The following RFTN1 variants were observed in gnomAD, a reference collection of about 807,000 sequenced individuals.
RFTN1 encodes the protein raftlin, lipid raft linker 1.
Under a neutral mutation model 46.5 loss-of-function variants are expected in RFTN1, and 26 were observed. The observed-to-expected ratio is 0.56, with a 90% CI of 0.41 to 0.78. The LOEUF (loss-of-function observed/expected upper bound fraction) is 0.78. Ranked by LOEUF, RFTN1 falls within the 30% of genes least tolerant of loss-of-function variation. RFTN1 has a pLI of 0.00. For missense variants in RFTN1, 693 were observed against 718.7 expected (o/e 0.96, Z 0.41); for synonymous variants, 261 against 284.2 (o/e 0.92, Z 0.82).
intron 2 of RFTN1, among the ~76,000 whole-genome samples, chr3:16,469,100 A>G (rs1231917225): frequency 6.6e-6 from 1 of 152,268 alleles, no homozygotes; most frequent in Non-Finnish European, 1.5e-5. Context: ...CACAGGTTAC[A>G]TGTGAAAAAT....
rs1044183599 is a variant in RFTN1, at chr3:16,413,602, A to C, written c.333-4119T>G. On this transcript the variant is annotated intron_variant, in intron 3 of 9. Transcript: ENST00000334133. This position sits in a 1 kb window ranked among gnomAD's most constrained non-coding sequence, Gnocchi z 4.7. Reference sequence around the variant, plus strand: ...AGGACAGAGAGATCTGGTTTTAAACAGTAAGAAAAAGAAAACACAGAATGC... The same window carrying C: ...AGGACAGAGAGATCTGGTTTTAAACCGTAAGAAAAAGAAAACACAGAATGC... Among the ~76,000 whole-genome samples the C allele has an allele frequency of 6.6e-6, 1 of 152,224 alleles. No homozygotes were observed. The highest frequency in any genetic ancestry group is 1.5e-5 in the Non-Finnish European group (1 of 68,038).
chr3:16,404,415 C>T (rs71627154), intron 4 of RFTN1, among the ~76,000 whole-genome samples: 3,209 of 22,174 alleles, frequency 0.14, 726 homozygotes, highest in Non-Finnish European at 0.18. Context: ...AATATATATA[C>T]ACAATATACA....
Position 16,498,493 on chromosome 3 carries a change from T to C in RFTN1, c.-8-4616A>G, listed in dbSNP as rs989124327. Among the ~76,000 whole-genome samples the C allele has an allele frequency of 2.6e-5, 4 of 152,200 alleles. No individual in the cohort carries two copies. Among genetic ancestry groups the C allele is most frequent in the African/African-American group, 9.7e-5 (4 of 41,440 alleles). ...TCTGTTAAATTTAATTTGTATCAAG[T>C]TTTTCTTTTAATAAATACCAGCCAG... is the stretch of plus-strand genomic sequence containing the variant. On this transcript the variant is annotated intron_variant, in intron 1 of 9. Transcript: ENST00000334133. This position sits in a 1 kb window ranked among gnomAD's most constrained non-coding sequence, Gnocchi z 5.2.
chr3:16,340,138 C>G (rs1028236406), intron 7 of RFTN1, among the ~76,000 whole-genome samples: 1 of 152,228 alleles, frequency 6.6e-6, no homozygotes, highest in Non-Finnish European at 1.5e-5. Context: ...TTCCCTGTTT[C>G]TGTTCCATTG....
Position 16,473,236 on chromosome 3 carries a change from G to A in RFTN1, c.145+20489C>T, listed in dbSNP as rs147946274. 9.2e-3 allele frequency among the ~76,000 whole-genome samples: 1,400 copies of A among 152,132 alleles called. 15 individuals carry two copies. Among genetic ancestry groups the A allele is most frequent in the Middle Eastern group, 0.024 (7 of 294 alleles). On this transcript the variant is annotated intron_variant, in intron 2 of 9. Transcript: ENST00000334133. The surrounding 1 kb of genome is among the most constrained non-coding windows in gnomAD (Gnocchi z 5.3). ...AGTATACCACCTCCACCCCAATACTGGGCCAGACTCCATGATACCAGGTGA... is the reference window on the plus strand; with the variant it reads ...AGTATACCACCTCCACCCCAATACTAGGCCAGACTCCATGATACCAGGTGA...
chr3:16,402,714 G>C lies in RFTN1; in HGVS notation c.441+6661C>G, dbSNP rs1458298546. On this transcript the variant is annotated intron_variant, in intron 4 of 9. Transcript: ENST00000334133. This position sits in a 1 kb window ranked among gnomAD's most constrained non-coding sequence, Gnocchi z 4.5. ...CTGTTTCATTAAAAGAAGCCATTGA[G>C]ATTTTTCCATCTGTCAAGGTGCTTT... is the stretch of plus-strand genomic sequence containing the variant. 6.6e-6 allele frequency among the ~76,000 whole-genome samples: 1 copy of C among 152,156 alleles called. No homozygotes were observed. Among genetic ancestry groups the C allele is most frequent in the Non-Finnish European group, 1.5e-5 (1 of 68,030 alleles).
intron 3 of RFTN1, among the ~76,000 whole-genome samples, 163 bp from the exon 4 acceptor site, chr3:16,409,646 T>C (rs1282426580): frequency 6.6e-6 from 1 of 151,054 alleles, no homozygotes; most frequent in Non-Finnish European, 1.5e-5. Flanking sequence ...GCCTCCCGAA[T>C]AGCTGGGATT....
chr3:16,378,441 G>C (rs2073866876), intron 4 of RFTN1, among the ~76,000 whole-genome samples: 1 of 152,218 alleles, frequency 6.6e-6, no homozygotes, highest in Non-Finnish European at 1.5e-5. Flanking sequence ...GTTTGAAGGA[G>C]GAAGTTTGTT....
In RFTN1 at chr3:16,356,409, T is replaced by G. The variant is rs1400019488; in HGVS notation, c.1146+1523A>C. On this transcript the variant is annotated intron_variant, in intron 7 of 9. Coordinates refer to ENST00000334133, the MANE Select transcript of RFTN1 (RefSeq NM_015150.2). This position sits in a 1 kb window ranked among gnomAD's most constrained non-coding sequence, Gnocchi z 4.9. Reference sequence around the variant, plus strand: ...ATGCTGTGACTTTCCAACTCCTGCTTCTGACGACTCCAGTTCCTTTGGGTA... The same window carrying G: ...ATGCTGTGACTTTCCAACTCCTGCTGCTGACGACTCCAGTTCCTTTGGGTA... Among the ~76,000 whole-genome samples, 2 of 152,206 alleles carry G rather than the reference T, an allele frequency of 1.3e-5. No homozygotes were observed. The highest frequency in any genetic ancestry group is 3.9e-4 in the East Asian group (2 of 5,188).
chr3:16,495,736 C>T (rs2076613916), intron 1 of RFTN1, among the ~76,000 whole-genome samples: 1 of 152,224 alleles, frequency 6.6e-6, no homozygotes, highest in Non-Finnish European at 1.5e-5. Context: ...GAGATCCCAC[C>T]ACTAGCCCAT....
rs908388218 is a variant in RFTN1, at chr3:16,344,740, C to T, written c.1146+13192G>A. On this transcript the variant is annotated intron_variant, in intron 7 of 9. Transcript: ENST00000334133. The surrounding 1 kb of genome is among the most constrained non-coding windows in gnomAD (Gnocchi z 4.4). ...AATGAAAGCACATCGTTGCCAAGTGCGGCCTCTCAATCAGTTATACACCAC... is the reference window on the plus strand; with the variant it reads ...AATGAAAGCACATCGTTGCCAAGTGTGGCCTCTCAATCAGTTATACACCAC... Among the ~76,000 whole-genome samples the T allele has an allele frequency of 5.3e-5, 8 of 152,164 alleles. No homozygotes were observed. Among genetic ancestry groups the T allele is most frequent in the Admixed American group, 5.2e-4 (8 of 15,280 alleles).
At chr3:16,369,945 A>T in intron 6 of RFTN1, 131 bp downstream of exon 6, 1 of 851,214 alleles carries the variant, frequency 1.2e-6, no homozygotes, top group Non-Finnish European at 1.9e-6. Flanking sequence ...GTTAATTAGA[A>T]ATAAAATGCA....
intron 3 of RFTN1, among the ~76,000 whole-genome samples, chr3:16,430,975 A>C (rs941252449): frequency 6.6e-6 from 1 of 152,224 alleles, no homozygotes; most frequent in African/African-American, 2.4e-5. Flanking sequence ...ATAATGCACT[A>C]TTCCCCAAAG....
chr3:16,355,725 C>T (rs1237991839), intron 7 of RFTN1, among the ~76,000 whole-genome samples: 4 of 152,214 alleles, frequency 2.6e-5, no homozygotes, highest in African/African-American at 9.6e-5. Flanking sequence ...GCCCCACCCC[C>T]GGAGGGTTCA....
chr3:16,482,830 C>T (rs562424496), intron 2 of RFTN1: 29 of 1,535,842 alleles, frequency 1.9e-5, no homozygotes, highest in Admixed American at 1.2e-4. Flanking sequence ...AGGGGCAGAA[C>T]AGCCTTTCTG....
In RFTN1 at chr3:16,428,879, A is replaced by G. The variant is rs1276942591; in HGVS notation, c.332+4972T>C. 6.6e-6 allele frequency among the ~76,000 whole-genome samples: 1 copy of G among 152,196 alleles called. No individual in the cohort carries two copies. Among genetic ancestry groups the G allele is most frequent in the East Asian group, 1.9e-4 (1 of 5,206 alleles). ...CCATCAAGTTTCAAGATCTTTAGCA[A>G]CTCATTCTAAGGAAAACTACTTGAA... is the stretch of plus-strand genomic sequence containing the variant. On this transcript the variant is annotated intron_variant, in intron 3 of 9. Transcript: ENST00000334133. This position sits in a 1 kb window ranked among gnomAD's most constrained non-coding sequence, Gnocchi z 4.7.
At chr3:16,437,565 T>C (rs1462905371) in intron 2 of RFTN1, among the ~76,000 whole-genome samples, 1 of 151,920 alleles carries the variant, frequency 6.6e-6, no homozygotes, top group Admixed American at 6.6e-5. Flanking sequence ...GAGGCTGAGA[T>C]GGGAGGATCA....
chr3:16,502,344 G>A (rs1009175656), intron 1 of RFTN1, among the ~76,000 whole-genome samples: 1 of 150,254 alleles, frequency 6.7e-6, no homozygotes, highest in Admixed American at 6.6e-5. Flanking sequence ...GCCACTGCAC[G>A]CTACTGCCCA....
intron 2 of RFTN1, among the ~76,000 whole-genome samples, chr3:16,482,226 C>T (rs1467210991): frequency 2.0e-5 from 3 of 152,094 alleles, no homozygotes; most frequent in African/African-American, 7.2e-5. Context: ...TAAGACAAGA[C>T]CACCCTATTT....
Sources: allele counts gnomAD v4.1 joint callset (sites outside exome capture counted in the v4.1 genomes callset), GRCh38; gene constraint gnomAD v4.1.1; non-coding constraint Gnocchi (gnomAD v3.1); transcripts MANE v1.5; gene names NCBI Gene and HGNC (gene_info 2026-07-23, HGNC 2026-07-21).